The following FBRSL1 variants were observed in gnomAD, a reference collection of about 807,000 sequenced individuals.
FBRSL1 encodes the protein fibrosin-1-like protein.
Under a neutral mutation model 89.6 loss-of-function variants are expected in FBRSL1, and 51 were observed. The observed-to-expected ratio is 0.57, with a 90% CI of 0.45 to 0.72. FBRSL1 has a LOEUF of 0.72. Among genes scored for constraint, FBRSL1 ranks in the 30% least tolerant of loss-of-function variants. FBRSL1 has a pLI of 0.00. For missense variants in FBRSL1, 1,618 were observed against 1,451.8 expected, an observed-to-expected ratio of 1.11 and a Z score of -1.86; for synonymous variants, 779 against 681.1, an observed-to-expected ratio of 1.14 and a Z score of -2.24.
intron 2 of FBRSL1, among the ~76,000 whole-genome samples, chr12:132,512,428 C>T (rs529621214): frequency 1.3e-5 from 2 of 152,360 alleles, no homozygotes; most frequent in East Asian, 1.9e-4. Context: ...CTGGCTGCAG[C>T]GCCCTGGCTG....
intron 15 of FBRSL1, among the ~76,000 whole-genome samples, chr12:132,578,851 AC>A (rs2040557256): frequency 6.6e-6 from 1 of 152,276 alleles, no homozygotes; most frequent in South Asian, 2.1e-4. Flanking sequence ...CCCAGCAGCC[AC>A]ATGAGGCTGG....
At chr12:132,510,105 C>T (rs1375264931) in intron 2 of FBRSL1, 1 of 1,225,778 alleles carries the variant, frequency 8.2e-7, no homozygotes, top group South Asian at 4.1e-5. Context: ...GCTCATGGGC[C>T]CGGAGCAGCC....
At chr12:132,530,738 G>A (rs1394302629) in intron 4 of FBRSL1, among the ~76,000 whole-genome samples, 1 of 132,932 alleles carries the variant, frequency 7.5e-6, no homozygotes, top group Non-Finnish European at 1.6e-5. Flanking sequence ...GGGGGTGGGG[G>A]GAGGGGGAAG....
At chr12:132,518,878 C>T (rs1043395432) in intron 2 of FBRSL1, among the ~76,000 whole-genome samples, 11 of 151,988 alleles carry the variant, frequency 7.2e-5, no homozygotes, top group African/African-American at 2.7e-4. Flanking sequence ...TCCATCCAAC[C>T]ACCCATGCAT....
In FBRSL1 at chr12:132,536,889, A is replaced by G. The variant is rs560242629; in HGVS notation, c.615+8901A>G. 3.8e-3 allele frequency among the ~76,000 whole-genome samples: 583 copies of G among 152,382 alleles called. 8 individuals carry two copies. Among genetic ancestry groups the G allele is most frequent in the African/African-American group, 0.013 (524 of 41,584 alleles). ...TGTACATAAATGTATGTGGCTGTGC[A>G]CATGTGTGTACGTAACGGTGTCTTT... On this transcript the variant is annotated intron_variant, in intron 4 of 18. Transcript: ENST00000680143.
At chr12:132,491,843 C>T (rs989058425) in intron 1 of FBRSL1, among the ~76,000 whole-genome samples, 2 of 152,232 alleles carry the variant, frequency 1.3e-5, no homozygotes, top group Non-Finnish European at 2.9e-5. Flanking sequence ...GAACAGGTGC[C>T]GCATCGTGTC....
intron 1 of FBRSL1, among the ~76,000 whole-genome samples, chr12:132,505,326 T>A (rs374175247): frequency 3.3e-5 from 5 of 152,248 alleles, no homozygotes; most frequent in East Asian, 3.9e-4. Flanking sequence ...CAGGCATCCT[T>A]GGGGTGTGGT....
intron 15 of FBRSL1, among the ~76,000 whole-genome samples, chr12:132,579,982 C>T (rs1301969552): frequency 6.6e-6 from 1 of 152,206 alleles, no homozygotes; most frequent in Non-Finnish European, 1.5e-5. Flanking sequence ...GTCCATCCGT[C>T]ACGCCTGAAC....
At chr12:132,511,954 C>T (rs1348980413) in intron 2 of FBRSL1, 1 of 984,594 alleles carries the variant, frequency 1.0e-6, no homozygotes, top group South Asian at 4.7e-5. Flanking sequence ...TTTATAACAG[C>T]ATCAGCGTTT....
At chr12:132,501,144 C>G (rs2032898555) in intron 1 of FBRSL1, among the ~76,000 whole-genome samples, 1 of 152,196 alleles carries the variant, frequency 6.6e-6, no homozygotes, top group Admixed American at 6.5e-5. Flanking sequence ...CCCCCTGCAA[C>G]TCTGCTCCCT....
At chr12:132,561,038 GT>G in intron 5 of FBRSL1, among the ~76,000 whole-genome samples, 1 of 152,230 alleles carries the variant, frequency 6.6e-6, no homozygotes. Context: ...CTAGGAAGGG[GT>G]TGGAGCCTGG....
rs530860580 is a variant in FBRSL1 at position 132,564,640 on chromosome 12, C to T, written c.646-2841C>T. On this transcript the variant is annotated intron_variant, in intron 5 of 18. Coordinates refer to ENST00000680143, the MANE Select transcript of FBRSL1 (RefSeq NM_001367871.1). ...CCTCCCGAGTAGCTGGGACTACAGG[C>T]GCCCGCCACCACGCCCGGCTAATTT... is the stretch of plus-strand genomic sequence containing the variant. Among the ~76,000 whole-genome samples, 19 of 123,752 alleles carry T rather than the reference C, an allele frequency of 1.5e-4. 2 individuals carry two copies. Among genetic ancestry groups the T allele is most frequent in the African/African-American group, 6.1e-4 (19 of 31,138 alleles). The allele number at this position is 123,752 out of a possible 152,430, so 81.2% of individuals were successfully genotyped here.
intron 1 of FBRSL1, among the ~76,000 whole-genome samples, chr12:132,502,232 G>A (rs552895610): frequency 8.2e-4 from 125 of 152,304 alleles, no homozygotes; most frequent in African/African-American, 2.9e-3. Flanking sequence ...CGTCCTTCTG[G>A]GGGCCCTTCT....
At chr12:132,498,325 G>C (rs2032395356) in intron 1 of FBRSL1, among the ~76,000 whole-genome samples, 1 of 152,174 alleles carries the variant, frequency 6.6e-6, no homozygotes, top group African/African-American at 2.4e-5. Flanking sequence ...GGGACCCACA[G>C]GCCCCCAGCC....
Position 132,495,325 on chromosome 12 carries a change from C to T in FBRSL1, c.291+4464C>T, listed in dbSNP as rs370938388. 1.1e-4 allele frequency among the ~76,000 whole-genome samples: 16 copies of T among 152,314 alleles called. No individual in the cohort carries two copies. The East Asian group carries it at 1.2e-3, about 11-fold the overall frequency. Reference sequence around the variant, plus strand: ...GGGGGCGGGGCTGGGCCCGGCCTGCCGAGCACCGCGTGTGGGGCCTGACAG... The same window carrying T: ...GGGGGCGGGGCTGGGCCCGGCCTGCTGAGCACCGCGTGTGGGGCCTGACAG... On this transcript the variant is annotated intron_variant, in intron 1 of 18. Coordinates refer to ENST00000680143, the MANE Select transcript of FBRSL1 (RefSeq NM_001367871.1).
intron 1 of FBRSL1, among the ~76,000 whole-genome samples, chr12:132,506,476 T>C (rs146206961): frequency 1.6e-3 from 250 of 152,336 alleles, no homozygotes; most frequent in Middle Eastern, 3.4e-3. Flanking sequence ...TCTGACTCTT[T>C]GCCCAGTAGA....
chr12:132,525,942 G>C, intron 3 of FBRSL1, 119 bp downstream of exon 3: 1 of 815,468 alleles, frequency 1.2e-6, no homozygotes. Flanking sequence ...CTGCACAAGG[G>C]CGTCCAGTCC....
chr12:132,503,822 T>C (rs1440510932), intron 1 of FBRSL1, among the ~76,000 whole-genome samples: 1 of 152,092 alleles, frequency 6.6e-6, no homozygotes, highest in African/African-American at 2.4e-5. Context: ...GGGCCTGAGC[T>C]CTTGGAATGA....
chr12:132,556,238 G>C (rs565016479), intron 5 of FBRSL1, among the ~76,000 whole-genome samples: 1 of 152,146 alleles, frequency 6.6e-6, no homozygotes. Flanking sequence ...CCCTGATGCT[G>C]CCCTCAGGCC....
Sources: gnomAD v4.1 joint callset for allele counts (sites outside exome capture counted in the v4.1 genomes callset) on GRCh38, gnomAD v4.1.1 for gene constraint, MANE v1.5 for transcripts, NCBI Gene and HGNC (gene_info 2026-07-23, HGNC 2026-07-21) for gene names.